Variants in RNF115 observed in about 807,000 individuals in gnomAD.
RNF115 encodes ring finger protein 115.
A neutral mutation model predicts 39.2 loss-of-function variants in RNF115; 31 were observed. That is an observed-to-expected ratio of 0.79 (90% CI 0.59 to 1.07). The LOEUF is 1.07. Among genes scored for constraint, RNF115 ranks in the 50% least tolerant of loss-of-function variants. The pLI is 0.00. For synonymous variants in RNF115, 124 were observed against 131.0 expected, an observed-to-expected ratio of 0.95 and a Z score of 0.37; for missense variants, 384 against 381.7, an observed-to-expected ratio of 1.01 and a Z score of -0.05.
rs1338039038 is a variant in RNF115, at chr1:145,748,176, T to C, written c.668-66A>G. 6 of 1,070,578 alleles carry C rather than the reference T, an allele frequency of 5.6e-6. No homozygotes were observed. The East Asian group carries it at 1.2e-4, about 21-fold the overall frequency. The allele number at this position is 1,070,578 out of a possible 1,614,324, so 66.3% of individuals were successfully genotyped here. ...AGGAAAGAAGAAAAAACTAACCCAA[T>C]GTCTCTACCAACCCTACGAATGCAT... On this transcript the variant is annotated intron_variant, in intron 7 of 8. Coordinates refer to ENST00000582693, the MANE Select transcript of RNF115 (RefSeq NM_014455.4).
At chr1:145,821,457 CTTTTTT>C (rs1172613737) in intron 1 of RNF115, among the ~76,000 whole-genome samples, 501 of 47,294 alleles carry the variant, frequency 0.011, no homozygotes, top group African/African-American at 0.026. Flanking sequence ...TCTTCTCACT[CTTTTTT>C]TTTTTTTTTT....
At chr1:145,807,877 A>G (rs1649526359) in intron 1 of RNF115, among the ~76,000 whole-genome samples, 1 of 152,110 alleles carries the variant, frequency 6.6e-6, no homozygotes, top group African/African-American at 2.4e-5. Context: ...CTCAGATATC[A>G]TTCCATTCTC....
chr1:145,762,326 T>G (rs1248858063), intron 4 of RNF115, among the ~76,000 whole-genome samples: 1 of 152,174 alleles, frequency 6.6e-6, no homozygotes, highest in Non-Finnish European at 1.5e-5. Flanking sequence ...GCTGCCATGT[T>G]AGAAGTGCCT....
intron 1 of RNF115, among the ~76,000 whole-genome samples, chr1:145,790,439 C>CT (rs1173924950): frequency 2.4e-4 from 35 of 144,212 alleles, no homozygotes; most frequent in Admixed American, 2.8e-4. Flanking sequence ...TGCGCCCGGC[C>CT]TTTTTTTTTT....
chr1:145,772,760 T>C (rs1014160353), intron 3 of RNF115: 4 of 152,212 alleles, frequency 2.6e-5, no homozygotes, highest in African/African-American at 9.7e-5. Context: ...GATGTGTATA[T>C]TCATGTCTTG....
At chr1:145,762,000 T>C (rs1190366551) in intron 4 of RNF115, among the ~76,000 whole-genome samples, 2 of 152,238 alleles carry the variant, frequency 1.3e-5, no homozygotes, top group African/African-American at 2.4e-5. Flanking sequence ...AAAATTTGAC[T>C]GTCCTGCTGG....
intron 7 of RNF115, among the ~76,000 whole-genome samples, chr1:145,748,716 C>A (rs1456483234): frequency 1.3e-5 from 2 of 151,972 alleles, no homozygotes; most frequent in African/African-American, 4.8e-5. Flanking sequence ...AAAACCCTGT[C>A]TCTACTAAAA....
intron 3 of RNF115, among the ~76,000 whole-genome samples, chr1:145,781,132 T>A (rs587683350): frequency 6.6e-6 from 1 of 152,300 alleles, no homozygotes; most frequent in East Asian, 1.9e-4. Flanking sequence ...ATTAGTCTCT[T>A]ATCTCCTACC....
At chr1:145,792,124 T>C (rs1402713220) in intron 1 of RNF115, among the ~76,000 whole-genome samples, 1 of 152,062 alleles carries the variant, frequency 6.6e-6, no homozygotes, top group Non-Finnish European at 1.5e-5. Flanking sequence ...CACGTTGCCC[T>C]GGCTGGTCTG....
intron 5 of RNF115, 148 bp downstream of exon 5, chr1:145,752,830 G>A (rs1571708139): frequency 1.1e-5 from 6 of 544,926 alleles, no homozygotes; most frequent in East Asian, 3.3e-5. Flanking sequence ...CTCGTGATCC[G>A]CCAGCCTCGG....
intron 7 of RNF115, 60 bp downstream of exon 7, chr1:145,750,347 G>C: frequency 7.5e-7 from 1 of 1,328,666 alleles, no homozygotes; most frequent in South Asian, 1.2e-5. Flanking sequence ...CCTGTCAGAA[G>C]ATACCGGGAT....
chr1:145,746,766 T>C lies in RNF115; in HGVS notation c.*100A>G. On this transcript the variant is annotated 3_prime_UTR_variant, in exon 9 of 9. Transcript: ENST00000582693. ...CATTTATATTATGTGTTGAGTTTCTTACATATTCCTAAATCCATCTACTAA... is the reference window on the plus strand; with the variant it reads ...CATTTATATTATGTGTTGAGTTTCTCACATATTCCTAAATCCATCTACTAA... 8.5e-7 allele frequency: 1 copy of C among 1,174,790 alleles called. No homozygotes were observed. The highest frequency in any genetic ancestry group is 1.2e-6 in the Non-Finnish European group (1 of 830,648). The allele number at this position is 1,174,790 out of a possible 1,614,324, so 72.8% of individuals were successfully genotyped here.
At chr1:145,758,305 G>A (rs1363261175) in intron 4 of RNF115, among the ~76,000 whole-genome samples, 4 of 152,150 alleles carry the variant, frequency 2.6e-5, no homozygotes, top group African/African-American at 4.8e-5. Flanking sequence ...GAGAGGCCCA[G>A]ATGGTGAGGA....
rs1443334053 is a variant in RNF115 at position 145,742,774 on chromosome 1, A to C, written c.*4092T>G. 4 of 152,360 alleles carry C rather than the reference A, an allele frequency of 2.6e-5. No individual in the cohort carries two copies. The Middle Eastern group carries it at 0.014, about 518-fold the overall frequency. The allele number at this position is 152,360 out of a possible 1,614,324, so 9.4% of individuals were successfully genotyped here. A position where few individuals can be genotyped will look rare whatever the true frequency, so the allele number is the denominator to read the frequency against. ...AGTTTTTCCTAATAACTATTTAATC[A>C]GAGACTGATTGGAGAAAAAACAAGT... On this transcript the variant is annotated 3_prime_UTR_variant, in exon 9 of 9. Coordinates refer to ENST00000582693, the MANE Select transcript of RNF115 (RefSeq NM_014455.4).
intron 1 of RNF115, among the ~76,000 whole-genome samples, chr1:145,802,058 G>T (rs1232506501): frequency 6.6e-6 from 1 of 152,202 alleles, no homozygotes; most frequent in Non-Finnish European, 1.5e-5. Flanking sequence ...AAAGTGCTGG[G>T]ATTACAGGCG....
rs587731551 is a variant in RNF115, at chr1:145,756,876, G to A, written c.429-3827C>T. 5.0e-5 allele frequency among the ~76,000 whole-genome samples: 6 copies of A among 119,258 alleles called. No individual in the cohort carries two copies. The East Asian group carries it at 1.0e-3, about 20-fold the overall frequency. 78.2% of individuals were successfully genotyped at this position (119,258 alleles called of 152,430 possible). A position where few individuals can be genotyped will look rare whatever the true frequency, so the allele number is the denominator to read the frequency against. Reference sequence around the variant, plus strand: ...TTTTTTGAGGCAGAGTCTCACTCTCGCCCAGGCCAGAGTGCAGTGGTGCGA... The same window carrying A: ...TTTTTTGAGGCAGAGTCTCACTCTCACCCAGGCCAGAGTGCAGTGGTGCGA... On this transcript the variant is annotated intron_variant, in intron 4 of 8. Coordinates refer to ENST00000582693, the MANE Select transcript of RNF115 (RefSeq NM_014455.4).
At position 145,743,213 on chromosome 1, in the gene RNF115, C is replaced by T. The variant is rs1024208820; in HGVS notation, c.*3653G>A. The T allele has an allele frequency of 6.6e-6, 1 of 152,158 alleles. No homozygotes were observed. Among genetic ancestry groups the T allele is most frequent in the South Asian group, 2.1e-4 (1 of 4,834 alleles). The allele number at this position is 152,158 out of a possible 1,614,324, so 9.4% of individuals were successfully genotyped here. On this transcript the variant is annotated 3_prime_UTR_variant, in exon 9 of 9. Coordinates refer to ENST00000582693, the MANE Select transcript of RNF115 (RefSeq NM_014455.4). ...AACATTTCAGTCAGTAGACTGAATACAGCACATGGCCCTCCCTAATGTAAG... is the reference window on the plus strand; with the variant it reads ...AACATTTCAGTCAGTAGACTGAATATAGCACATGGCCCTCCCTAATGTAAG...
chr1:145,809,428 G>A (rs781862937), intron 1 of RNF115, among the ~76,000 whole-genome samples: 5 of 146,848 alleles, frequency 3.4e-5, no homozygotes, highest in Non-Finnish European at 7.4e-5. Context: ...TGATCTGCCC[G>A]CTTCAGCCTC....
At chr1:145,773,262 G>C (rs1019521842) in intron 3 of RNF115, 9 of 151,894 alleles carry the variant, frequency 5.9e-5, no homozygotes, top group Non-Finnish European at 1.3e-4. Flanking sequence ...ATATTTTCTA[G>C]ATTCTTCACA....
Sources: gnomAD v4.1 joint callset for allele counts (sites outside exome capture counted in the v4.1 genomes callset) on GRCh38, gnomAD v4.1.1 for gene constraint, MANE v1.5 for transcripts, NCBI Gene and HGNC (gene_info 2026-07-23, HGNC 2026-07-21) for gene names.